C10orf90: variants seen among roughly 807,000 people sequenced by gnomAD.
The protein encoded by C10orf90 is (E2-independent) E3 ubiquitin-conjugating enzyme FATS.
A neutral mutation model predicts 62.5 loss-of-function variants in C10orf90; 56 were observed. The ratio of observed to expected loss-of-function variants is 0.90; its 90% CI spans 0.72 to 1.12. The LOEUF is 1.12. Among genes scored for constraint, C10orf90 ranks in the 50% most tolerant of loss-of-function variants. The pLI, the probability that C10orf90 is intolerant of heterozygous loss-of-function variation, is 0.00. For missense variants in C10orf90, 970 were observed against 880.4 expected (o/e 1.10, Z -1.29); for synonymous variants, 386 against 340.4 (o/e 1.13, Z -1.47).
intron 2 of C10orf90, among the ~76,000 whole-genome samples, chr10:126,632,038 C>T (rs370847974): frequency 2.2e-4 from 33 of 152,080 alleles, no homozygotes; most frequent in South Asian, 1.7e-3. Flanking sequence ...AAGAAACTGG[C>T]GAAACTCATA....
At chr10:126,583,894 T>C (rs931431246) in intron 2 of C10orf90, among the ~76,000 whole-genome samples, 1 of 151,976 alleles carries the variant, frequency 6.6e-6, no homozygotes, top group Admixed American at 6.6e-5. Context: ...GGTGGGAGGG[T>C]TGCTTGAGCC....
At chr10:126,580,783 T>C (rs1274796302) in intron 2 of C10orf90, among the ~76,000 whole-genome samples, 1 of 152,040 alleles carries the variant, frequency 6.6e-6, no homozygotes, top group Non-Finnish European at 1.5e-5. Flanking sequence ...ATAGTGTGTG[T>C]CTATGTGTGG....
At chr10:126,507,512 A>G (rs1862823196) in intron 3 of C10orf90, among the ~76,000 whole-genome samples, 2 of 151,920 alleles carry the variant, frequency 1.3e-5, no homozygotes, top group Admixed American at 1.3e-4. Flanking sequence ...AAAAAAAAAA[A>G]AAAGGTCAAT....
At chr10:126,605,166 C>T (rs1189681254) in intron 2 of C10orf90, among the ~76,000 whole-genome samples, 1 of 152,194 alleles carries the variant, frequency 6.6e-6, no homozygotes, top group South Asian at 2.1e-4. Flanking sequence ...CATATTTATT[C>T]TAAGTAGAGC....
chr10:126,551,147 T>C (rs1242195138), intron 2 of C10orf90, among the ~76,000 whole-genome samples: 1 of 152,240 alleles, frequency 6.6e-6, no homozygotes, highest in Non-Finnish European at 1.5e-5. Flanking sequence ...TGTAAAACCT[T>C]GAAGAGGACA....
intron 4 of C10orf90, among the ~76,000 whole-genome samples, chr10:126,489,121 C>T (rs940410350): frequency 1.3e-5 from 2 of 151,726 alleles, no homozygotes; most frequent in Non-Finnish European, 2.9e-5. Context: ...TAAAAAAAAT[C>T]CCCCAAAATA....
chr10:126,497,171 A>C (rs1038200711), intron 4 of C10orf90, among the ~76,000 whole-genome samples: 1 of 152,160 alleles, frequency 6.6e-6, no homozygotes, highest in Non-Finnish European at 1.5e-5. Context: ...AATGACCAGC[A>C]CAGGAGCACC....
At chr10:126,565,891 C>T (rs561357565) in intron 2 of C10orf90, among the ~76,000 whole-genome samples, 9 of 152,306 alleles carry the variant, frequency 5.9e-5, no homozygotes, top group South Asian at 2.1e-4. Context: ...CACCTAACAG[C>T]ATGTTACTGG....
chr10:126,476,816 C>T (rs1386862759), intron 4 of C10orf90, among the ~76,000 whole-genome samples: 2 of 151,992 alleles, frequency 1.3e-5, no homozygotes, highest in East Asian at 3.9e-4. Flanking sequence ...TTCTTGAAAG[C>T]TACCGTGAAT....
intron 2 of C10orf90, among the ~76,000 whole-genome samples, chr10:126,550,270 T>C (rs1864603375): frequency 6.6e-6 from 1 of 152,102 alleles, no homozygotes; most frequent in East Asian, 1.9e-4. Flanking sequence ...TACAGCATTC[T>C]TGACGTGACA....
intron 8 of C10orf90, among the ~76,000 whole-genome samples, chr10:126,428,456 T>G (rs1857383008): frequency 6.6e-6 from 1 of 151,856 alleles, no homozygotes; most frequent in Non-Finnish European, 1.5e-5. Flanking sequence ...TGAGCCAGAG[T>G]CAGAGCCCAC....
intron 7 of C10orf90, among the ~76,000 whole-genome samples, chr10:126,436,312 T>C (rs546770769): frequency 6.6e-6 from 1 of 152,336 alleles, no homozygotes; most frequent in African/African-American, 2.4e-5. Context: ...ATGAGCACAT[T>C]GTTGAATTTG....
chr10:126,540,598 G>A (rs1864351443), intron 2 of C10orf90, among the ~76,000 whole-genome samples: 1 of 151,622 alleles, frequency 6.6e-6, no homozygotes, highest in South Asian at 2.1e-4. Context: ...GCCAGACGGT[G>A]CAGTGAGCTG....
At chr10:126,543,567 G>C (rs1362482072) in intron 2 of C10orf90, among the ~76,000 whole-genome samples, 2 of 152,132 alleles carry the variant, frequency 1.3e-5, no homozygotes, top group Non-Finnish European at 2.9e-5. Flanking sequence ...TTCCCATCAG[G>C]ACTCAGTACC....
chr10:126,449,622 T>A (rs1260655660), intron 7 of C10orf90, among the ~76,000 whole-genome samples: 1 of 152,178 alleles, frequency 6.6e-6, no homozygotes, highest in Non-Finnish European at 1.5e-5. Context: ...ATCTTATATG[T>A]AGAAACCCCT....
rs1862544295 is a variant in C10orf90 at position 126,503,907 on chromosome 10, G to A, written c.1534+50C>T. ...AAGAAATTCACTCAACAGTCACCTT[G>A]CTAGGACATTTACTCAGGTCACCCT... On this transcript the variant is annotated intron_variant, in intron 4 of 9. Coordinates refer to ENST00000488181, the MANE Select transcript of C10orf90 (RefSeq NM_001350921.2). The A allele has an allele frequency of 3.2e-6, 5 of 1,550,840 alleles. No homozygotes were observed. In the East Asian group the frequency reaches 9.0e-5, roughly 28 times the overall value.
At chr10:126,555,262 G>A (rs1864735631) in intron 2 of C10orf90, among the ~76,000 whole-genome samples, 1 of 152,066 alleles carries the variant, frequency 6.6e-6, no homozygotes, top group Non-Finnish European at 1.5e-5. Flanking sequence ...GGTAGCAGAG[G>A]GGTGAGGAGT....
chr10:126,652,796 T>A (rs1164256226), intron 1 of C10orf90, among the ~76,000 whole-genome samples: 1 of 152,214 alleles, frequency 6.6e-6, no homozygotes, highest in Non-Finnish European at 1.5e-5. Context: ...AGAGGTAGAT[T>A]TCCCCAGATT....
At chr10:126,540,562 G>A (rs187860723) in intron 2 of C10orf90, among the ~76,000 whole-genome samples, 4 of 151,926 alleles carry the variant, frequency 2.6e-5, no homozygotes, top group Non-Finnish European at 5.9e-5. Context: ...AGGAGGCTAA[G>A]GTAGAAGAAT....
Sources: gnomAD v4.1 joint callset for allele counts (sites outside exome capture counted in the v4.1 genomes callset) on GRCh38, gnomAD v4.1.1 for gene constraint, MANE v1.5 for transcripts, NCBI Gene and HGNC (gene_info 2026-07-23, HGNC 2026-07-21) for gene names.